Variants in MYO9A observed in about 807,000 individuals in gnomAD.
The protein encoded by MYO9A is myosin IXA.
In MYO9A, 103 loss-of-function variants were observed where a neutral mutation model predicts 293.3. That is an observed-to-expected ratio of 0.35 (90% confidence interval 0.30 to 0.41). The LOEUF is 0.41. MYO9A is among the 10% of genes least tolerant of loss of function. The pLI, the probability that MYO9A is intolerant of heterozygous loss-of-function variation, is 1.00. For synonymous variants in MYO9A, 1,001 were observed against 1,035.7 expected, an observed-to-expected ratio of 0.97 and a Z score of 0.64; for missense variants, 2,685 against 3,033.0, an observed-to-expected ratio of 0.89 and a Z score of 2.69.
At chr15:71,917,888 C>T (rs1340715576) in intron 18 of MYO9A, among the ~76,000 whole-genome samples, 1 of 151,542 alleles carries the variant, frequency 6.6e-6, no homozygotes, top group Non-Finnish European at 1.5e-5. Context: ...TAAAACCATG[C>T]AAATTGAAAG....
chr15:71,841,190 A>G (rs1481224782), intron 39 of MYO9A, among the ~76,000 whole-genome samples: 5 of 152,122 alleles, frequency 3.3e-5, no homozygotes, highest in African/African-American at 1.2e-4. Context: ...AATGGTGATA[A>G]TTTTATTTCT....
intron 27 of MYO9A, 67 bp downstream of exon 27, chr15:71,887,937 T>A: frequency 1.1e-6 from 1 of 898,924 alleles, no homozygotes; most frequent in Non-Finnish European, 1.7e-6. Context: ...AAAAGCTCAG[T>A]ACTTAACTAT....
At chr15:71,982,046 G>A (rs1313248229) in intron 11 of MYO9A, among the ~76,000 whole-genome samples, 5 of 99,482 alleles carry the variant, frequency 5.0e-5, no homozygotes, top group African/African-American at 2.0e-4. Context: ...TTGGGACAGA[G>A]TCTCACTCTG....
At chr15:71,890,449 G>A (rs1209172641) in intron 26 of MYO9A, 1 of 151,924 alleles carries the variant, frequency 6.6e-6, no homozygotes, top group South Asian at 2.1e-4. Context: ...TATAAATAAG[G>A]AATAGAAATG....
At chr15:72,023,784 G>GA (rs1406780160) in intron 4 of MYO9A, among the ~76,000 whole-genome samples, 6 of 151,178 alleles carry the variant, frequency 4.0e-5, no homozygotes, top group African/African-American at 1.5e-4. Context: ...AAGAATACTT[G>GA]AAAAAACAAT....
At position 71,951,829 on chromosome 15, in the gene MYO9A, T is replaced by G. The variant is rs2059058331; in HGVS notation, c.2250A>C (p.Pro750=). Residue 750 remains proline (P), a synonymous_variant, in exon 15 of 42, where the codon CCA becomes CCC. Coordinates refer to ENST00000356056, the MANE Select transcript of MYO9A (RefSeq NM_006901.4). ...SMDSFSFLQH[P]VHQRSLEILQ... ...GAATCTCTAAGCTCCTCTGGTGGAC[T>G]GGGTGTTGGAGAAAGCTAAAACTAT... 6.2e-7 allele frequency: 1 copy of G among 1,613,492 alleles called. No individual in the cohort carries two copies. The highest frequency in any genetic ancestry group is 1.3e-5 in the African/African-American group (1 of 74,818).
In MYO9A at chr15:71,897,345, A is replaced by C. The variant is rs1393375511; in HGVS notation, c.5042+116T>G. On this transcript the variant is annotated intron_variant, in intron 25 of 41. Transcript: ENST00000356056. ...ACAATTAGGGAATATTTTTACAAAGAGAAAATGGCCAAGTTGAGCAGCCAC... is the reference window on the plus strand; with the variant it reads ...ACAATTAGGGAATATTTTTACAAAGCGAAAATGGCCAAGTTGAGCAGCCAC... The C allele has an allele frequency of 4.4e-6, 5 of 1,127,776 alleles. No homozygotes were observed. In the East Asian group the frequency reaches 9.5e-5, roughly 21 times the overall value. 69.9% of individuals were successfully genotyped at this position (1,127,776 alleles called of 1,614,324 possible).
rs1328999481 is a variant in MYO9A, at chr15:72,093,919, AAAAAT to A, written c.-72+23756_-72+23760del. ...TTAAATAAAAAAAACCACACAAATA[AAAAAT>A]AAAATAAAATCATTGAAAAGTAGTG... is the stretch of plus-strand genomic sequence containing the variant. On this transcript the variant is annotated intron_variant, in intron 1 of 41. Transcript: ENST00000356056. Among the ~76,000 whole-genome samples, 4 of 91,968 alleles carry A rather than the reference AAAAAT, an allele frequency of 4.3e-5. 2 individuals carry two copies. The highest frequency in any genetic ancestry group is 8.6e-4 in the South Asian group (2 of 2,328). The allele number at this position is 91,968 out of a possible 152,430, so 60.3% of individuals were successfully genotyped here. A position where few individuals can be genotyped will look rare whatever the true frequency, so the allele number is the denominator to read the frequency against.
At chr15:71,905,234 A>G (rs1026687071) in intron 19 of MYO9A, among the ~76,000 whole-genome samples, 6 of 152,328 alleles carry the variant, frequency 3.9e-5, no homozygotes, top group African/African-American at 1.4e-4. Context: ...AATAGTAAAT[A>G]TTGCAGATGT....
chr15:71,982,003 GAATTTTTTTTTTTTTTTTTTTT>G (rs1360535581), intron 11 of MYO9A, among the ~76,000 whole-genome samples: 10 of 100,494 alleles, frequency 1.0e-4, no homozygotes, highest in Non-Finnish European at 1.7e-4. Context: ...AGCCTATTTA[GAATTTTTTTTTTTTTTTTTTTT>G]TTTTTTTTTT....
At chr15:71,933,620 A>T in intron 18 of MYO9A, 50 bp downstream of exon 18, 1 of 1,505,762 alleles carries the variant, frequency 6.6e-7, no homozygotes, top group Non-Finnish European at 9.2e-7. Context: ...GTAATAAAAA[A>T]TAATTGTGTA....
chr15:71,867,412 C>A (rs2056366726), intron 32 of MYO9A, among the ~76,000 whole-genome samples: 1 of 152,180 alleles, frequency 6.6e-6, no homozygotes, highest in East Asian at 1.9e-4. Context: ...TCTTAAAAAT[C>A]TTCCACATGA....
intron 1 of MYO9A, among the ~76,000 whole-genome samples, chr15:72,096,155 T>C (rs776261293): frequency 4.9e-4 from 66 of 133,736 alleles, no homozygotes; most frequent in Non-Finnish European, 8.4e-4. Context: ...AGAGCGAGAC[T>C]GTCTCAAAAA....
rs568775890 is a variant in MYO9A at position 71,894,059 on chromosome 15, A to G, written c.5043-281T>C. Among the ~76,000 whole-genome samples the G allele has an allele frequency of 4.6e-5, 7 of 152,316 alleles. No homozygotes were observed. In the East Asian group the frequency reaches 1.3e-3, roughly 29 times the overall value. On this transcript the variant is annotated intron_variant, in intron 25 of 41. Transcript: ENST00000356056. ...TAGCTGCAAAATAAACTCAAGAAAT[A>G]AAATAGATCTGATGATGGGGAAAGG... is the stretch of plus-strand genomic sequence containing the variant.
intron 4 of MYO9A, among the ~76,000 whole-genome samples, chr15:72,026,159 G>C (rs929202352): frequency 6.6e-6 from 1 of 150,986 alleles, no homozygotes; most frequent in Non-Finnish European, 1.5e-5. Flanking sequence ...TGTAGTCCCA[G>C]CTACTTGGGA....
chr15:72,012,235 T>A (rs1004382178), intron 6 of MYO9A, among the ~76,000 whole-genome samples: 2 of 152,332 alleles, frequency 1.3e-5, no homozygotes, highest in East Asian at 3.9e-4. Context: ...TTTATTACTA[T>A]AAAATTGCTT....
intron 11 of MYO9A, among the ~76,000 whole-genome samples, chr15:71,983,456 TA>T (rs1415637460): frequency 6.6e-5 from 10 of 150,400 alleles, no homozygotes; most frequent in Non-Finnish European, 7.4e-5. Context: ...AATAGTTTTT[TA>T]TTTTTTTTAT....
intron 39 of MYO9A, among the ~76,000 whole-genome samples, chr15:71,830,736 C>T (rs1175482548): frequency 3.3e-5 from 5 of 151,958 alleles, no homozygotes; most frequent in Non-Finnish European, 7.4e-5. Flanking sequence ...CTGACTGGTA[C>T]AGATCTACAT....
chr15:71,969,056 A>G (rs2075947362), intron 12 of MYO9A, among the ~76,000 whole-genome samples: 1 of 152,188 alleles, frequency 6.6e-6, no homozygotes, highest in Admixed American at 6.5e-5. Context: ...TACGCATTCT[A>G]TCAGTGACCT....
Sources: gnomAD v4.1 joint callset for allele counts (sites outside exome capture counted in the v4.1 genomes callset) on GRCh38, gnomAD v4.1.1 for gene constraint, MANE v1.5 for transcripts, NCBI Gene and HGNC (gene_info 2026-07-23, HGNC 2026-07-21) for gene names.